Variants in PSG3 observed in about 807,000 individuals in gnomAD.
PSG3 encodes the protein pregnancy specific beta-1-glycoprotein 3, also known as pregnancy-specific beta-1-glycoprotein 3.
A neutral mutation model predicts 47.5 loss-of-function variants in PSG3; 61 were observed. The observed-to-expected ratio is 1.28, with a 90% CI of 1.05 to 1.59. PSG3 has a LOEUF of 1.59. Among genes scored for constraint, PSG3 ranks in the 40% most tolerant of loss-of-function variants. The pLI is 0.00. For synonymous variants in PSG3, 263 were observed against 198.4 expected, an observed-to-expected ratio of 1.33 and a Z score of -2.74; for missense variants, 756 against 524.0, an observed-to-expected ratio of 1.44 and a Z score of -4.32.
At position 42,729,824 on chromosome 19, in the gene PSG3, G is replaced by A. The variant is rs1325462536; in HGVS notation, c.942C>T (p.Asp314=). ...GGTAACTGCGGATGCCACCATATCG[G>A]TCCTGTATTTCACATTGATAGGGTC... The part of the protein sequence containing the change: ...ETGPYQCEIQ[D]RYGGIRSYPV... The change falls in exon 4 of 7, where the codon GAC becomes GAT. Residue 314 remains aspartate, a synonymous_variant. Transcript: ENST00000327495. 1.2e-6 allele frequency: 2 copies of A among 1,613,678 alleles called. No homozygotes were observed. Among genetic ancestry groups the A allele is most frequent in the Non-Finnish European group, 1.7e-6 (2 of 1,179,858 alleles).
intron 5 of PSG3, among the ~76,000 whole-genome samples, chr19:42,724,305 T>C (rs1205256644): frequency 6.6e-6 from 1 of 152,228 alleles, no homozygotes; most frequent in South Asian, 2.1e-4. Context: ...ATTTTCTATG[T>C]CATTAGAACT....
chr19:42,728,105 C>T (rs1411663324), intron 5 of PSG3, among the ~76,000 whole-genome samples: 4 of 152,004 alleles, frequency 2.6e-5, no homozygotes, highest in Non-Finnish European at 4.4e-5. Context: ...ATGGTGGGTG[C>T]TAAGGTTTAG....
At chr19:42,726,245 G>A (rs1739307340) in intron 5 of PSG3, among the ~76,000 whole-genome samples, 1 of 152,152 alleles carries the variant, frequency 6.6e-6, no homozygotes, top group Admixed American at 6.5e-5. Context: ...AGACAAGGGT[G>A]CCTGCTTTTG....
At position 42,738,760 on chromosome 19, in the gene PSG3, T is replaced by TA; in HGVS notation, c.393dup (p.Arg132Ter). On this transcript the variant is annotated frameshift_variant, in exon 2 of 7. Coordinates refer to ENST00000327495, the MANE Select transcript of PSG3 (RefSeq NM_021016.4). LOFTEE classifies it high-confidence loss of function. The stretch of plus-strand genomic sequence containing the variant: ...AAGGTGAAATGTCCAGTTTCTCCTC[T>TA]AGTCCCATCACCTCGCTTTACGATG... The TA allele has an allele frequency of 6.2e-7, 1 of 1,614,018 alleles. No homozygotes were observed. Among genetic ancestry groups the TA allele is most frequent in the Non-Finnish European group, 8.5e-7 (1 of 1,179,894 alleles).
Position 42,739,106 on chromosome 19 carries a change from G to T in PSG3, c.65-17C>A. The T allele has an allele frequency of 6.3e-7, 1 of 1,588,176 alleles. No individual in the cohort carries two copies. The highest frequency in any genetic ancestry group is 8.6e-7 in the Non-Finnish European group (1 of 1,162,866). ...AAAGTAATGCTAGGAGGTGGAGAGA[G>T]CATCAGTCAATATTGAGACCTATGC... On this transcript the variant is annotated splice_polypyrimidine_tract_variant and intron_variant, in intron 1 of 6. Coordinates refer to ENST00000327495, the MANE Select transcript of PSG3 (RefSeq NM_021016.4).
intron 5 of PSG3, among the ~76,000 whole-genome samples, chr19:42,725,122 T>A (rs1041104407): frequency 1.3e-5 from 2 of 152,218 alleles, no homozygotes; most frequent in African/African-American, 4.8e-5. Context: ...AGGCTAATGA[T>A]GATGGTAGTC....
At chr19:42,730,096 C>A (rs775886699) in intron 3 of PSG3, 40 bp from the exon 4 acceptor site, 2 of 1,602,438 alleles carry the variant, frequency 1.2e-6, no homozygotes, top group Middle Eastern at 2.1e-4. Context: ...TGTGTGGCAC[C>A]TTTGATTCCT....
intron 1 of PSG3, 178 bp from the exon 2 acceptor site, chr19:42,739,267 C>T (rs1600392820): frequency 1.8e-6 from 2 of 1,137,052 alleles, no homozygotes; most frequent in African/African-American, 1.6e-5. Flanking sequence ...GTGTCCTACT[C>T]TCCTACTAGG....
intron 3 of PSG3, among the ~76,000 whole-genome samples, chr19:42,730,863 G>A (rs1281483179): frequency 1.3e-5 from 2 of 152,178 alleles, no homozygotes. Context: ...AAATACATGT[G>A]GACATTTGCA....
At chr19:42,733,180 A>G in intron 2 of PSG3, 118 bp from the exon 3 acceptor site, 1 of 1,510,504 alleles carries the variant, frequency 6.6e-7, no homozygotes, top group Non-Finnish European at 8.9e-7. Context: ...TTAAAAGCCC[A>G]TGGCAGGTGT....
intron 6 of PSG3, among the ~76,000 whole-genome samples, chr19:42,722,326 C>T (rs1333072059): frequency 6.6e-6 from 1 of 152,188 alleles, no homozygotes; most frequent in Non-Finnish European, 1.5e-5. Flanking sequence ...TCCCAGTTCA[C>T]TGCAAGCTCC....
At chr19:42,736,677 C>G in intron 2 of PSG3, among the ~76,000 whole-genome samples, 1 of 145,118 alleles carries the variant, frequency 6.9e-6, no homozygotes, top group Non-Finnish European at 1.5e-5. Flanking sequence ...GCCAGAAGAA[C>G]TTGTCTGGCA....
chr19:42,723,983 T>A lies in PSG3; in HGVS notation c.1286A>T (p.Ter429LeuextTer3). ...TGHLPGLNPL[*>L] is the part of the protein sequence containing the mutation. ...AATACAGAAATGACATCACGGCTGC[T>A]ATAATGGATTAAGGCCAGGAAGATG... The change falls in exon 6 of 7, where the codon TAG becomes TTG. Residue 429 changes from the stop codon to leucine, a stop_lost. Coordinates refer to ENST00000327495, the MANE Select transcript of PSG3 (RefSeq NM_021016.4). 6.2e-7 allele frequency: 1 copy of A among 1,609,714 alleles called. No homozygotes were observed. Among genetic ancestry groups the A allele is most frequent in the Non-Finnish European group, 8.5e-7 (1 of 1,175,962 alleles).
rs545782001 is a variant in PSG3 at position 42,732,784 on chromosome 19, G to A, written c.709C>T (p.Pro237Ser). 6.8e-6 allele frequency: 11 copies of A among 1,614,100 alleles called. No homozygotes were observed. In the Admixed American group the frequency reaches 8.3e-5, roughly 12 times the overall value. The change falls in exon 3 of 7, where the codon CCG becomes TCG. Residue 237 changes from proline (P) to serine (S), a missense_variant and splice_region_variant. Pro to Ser is a moderately conservative substitution (Grantham distance 74). Coordinates refer to ENST00000327495, the MANE Select transcript of PSG3 (RefSeq NM_021016.4). ...TCACAGAGGAACAGGAGATACTCACGGAGGAGATTCAGGGTGACTGGGTCA... is the reference window on the plus strand; with the variant it reads ...TCACAGAGGAACAGGAGATACTCACAGAGGAGATTCAGGGTGACTGGGTCA... ...RSDPVTLNLLPKLPKPYITIN... is the reference protein window; with the variant it reads ...RSDPVTLNLLSKLPKPYITIN...
At chr19:42,724,885 A>G (rs1969351711) in intron 5 of PSG3, among the ~76,000 whole-genome samples, 1 of 151,962 alleles carries the variant, frequency 6.6e-6, no homozygotes, top group African/African-American at 2.4e-5. Context: ...ATATATATAT[A>G]TATGGAAAAA....
chr19:42,726,689 A>G (rs762801183), intron 5 of PSG3, among the ~76,000 whole-genome samples: 5 of 152,228 alleles, frequency 3.3e-5, no homozygotes, highest in African/African-American at 1.2e-4. Flanking sequence ...GGAAGACTCA[A>G]TATTGTTAGG....
chr19:42,722,103 A>G lies in PSG3; in HGVS notation c.*41-13T>C, dbSNP rs1042485264. 1 of 412,318 alleles carries G rather than the reference A, an allele frequency of 2.4e-6. No individual in the cohort carries two copies. Among genetic ancestry groups the G allele is most frequent in the African/African-American group, 2.1e-5 (1 of 48,684 alleles). The allele number at this position is 412,318 out of a possible 1,614,324, so 25.5% of individuals were successfully genotyped here. A position where few individuals can be genotyped will look rare whatever the true frequency, so the allele number is the denominator to read the frequency against. ...TGAAAGCAACTGTCTGGGAATGACA[A>G]AGATTTAAAATGACTATGGTTAAAA... On this transcript the variant is annotated splice_polypyrimidine_tract_variant and intron_variant, in intron 6 of 6. Coordinates refer to ENST00000327495, the MANE Select transcript of PSG3 (RefSeq NM_021016.4).
intron 1 of PSG3, 196 bp from the exon 2 acceptor site, chr19:42,739,285 C>G (rs1218191192): frequency 1.1e-5 from 11 of 986,600 alleles, no homozygotes; most frequent in African/African-American, 5.0e-5. Flanking sequence ...AGGTGAAGGT[C>G]AGCAACATGA....
At chr19:42,725,898 A>G (rs1485954521) in intron 5 of PSG3, among the ~76,000 whole-genome samples, 1 of 150,854 alleles carries the variant, frequency 6.6e-6, no homozygotes, top group Non-Finnish European at 1.5e-5. Context: ...ACCAAAAAAA[A>G]AAAAAAAAAA....
Sources: allele counts gnomAD v4.1 joint callset (sites outside exome capture counted in the v4.1 genomes callset), GRCh38; gene constraint gnomAD v4.1.1; transcripts MANE v1.5; gene names NCBI Gene and HGNC (gene_info 2026-07-23, HGNC 2026-07-21).